MGAT4D: variants seen among roughly 807,000 people sequenced by gnomAD.
The protein encoded by MGAT4D is MGAT4 family member D, also known as alpha-1,3-mannosyl-glycoprotein 4-beta-N-acetylglucosaminyltransferase-like protein MGAT4D.
In MGAT4D, 34 loss-of-function variants were observed where a neutral mutation model predicts 15.9. The observed-to-expected ratio is 2.14, with a 90% CI of 1.62 to 2.84. The LOEUF is 2.84. Among genes scored for constraint, MGAT4D ranks in the 30% most tolerant of loss-of-function variants. MGAT4D has a pLI of 0.00. For missense variants in MGAT4D, 327 were observed against 140.2 expected (o/e 2.33, Z -6.73); for synonymous variants, 112 against 48.2 (o/e 2.33, Z -5.49).
intron 10 of MGAT4D, among the ~76,000 whole-genome samples, chr4:140,449,209 T>C (rs1730314610): frequency 6.6e-6 from 1 of 152,200 alleles, no homozygotes; most frequent in Non-Finnish European, 1.5e-5. Flanking sequence ...TGTTAACAAA[T>C]GTGGAAATAT....
intron 10 of MGAT4D, chr4:140,450,198 G>A (rs991706307): frequency 7.5e-6 from 2 of 265,792 alleles, no homozygotes; most frequent in Non-Finnish European, 1.4e-5. Context: ...TCTATTTTGT[G>A]TGGTGTGAGG....
At chr4:140,485,808 C>G (rs1489185843) in intron 1 of MGAT4D, among the ~76,000 whole-genome samples, 1 of 12,728 alleles carries the variant, frequency 7.9e-5, no homozygotes, top group Non-Finnish European at 1.8e-4. Context: ...AAGACCCTGT[C>G]TTAAAAAAAA....
At chr4:140,448,423 T>C (rs184815443) in intron 10 of MGAT4D, among the ~76,000 whole-genome samples, 228 of 152,292 alleles carry the variant, frequency 1.5e-3, no homozygotes, top group Non-Finnish European at 2.6e-3. Context: ...TTGTTTATTT[T>C]TGACTATCTT....
chr4:140,448,946 A>G (rs528936354), intron 10 of MGAT4D, among the ~76,000 whole-genome samples: 1 of 152,362 alleles, frequency 6.6e-6, no homozygotes, highest in South Asian at 2.1e-4. Context: ...AAAACAAATG[A>G]GACATACATG....
At chr4:140,467,021 TA>T (rs1474676922) in intron 5 of MGAT4D, among the ~76,000 whole-genome samples, 1 of 152,088 alleles carries the variant, frequency 6.6e-6, no homozygotes, top group Non-Finnish European at 1.5e-5. Context: ...AATAGTAACT[TA>T]AAAACTTGGG....
chr4:140,443,475 G>T (rs2126648837), intron 10 of MGAT4D, 31 bp from the exon 11 acceptor site: 1 of 513,326 alleles, frequency 1.9e-6, no homozygotes, highest in South Asian at 2.4e-5. Flanking sequence ...GTAACATCTA[G>T]AAATAATATA....
chr4:140,465,880 G>T (rs1201046703), intron 5 of MGAT4D, among the ~76,000 whole-genome samples: 1 of 152,180 alleles, frequency 6.6e-6, no homozygotes, highest in African/African-American at 2.4e-5. Flanking sequence ...CAACACTGTA[G>T]TCATGATATA....
At chr4:140,477,152 G>A (rs531807170) in intron 3 of MGAT4D, among the ~76,000 whole-genome samples, 1 of 151,912 alleles carries the variant, frequency 6.6e-6, no homozygotes, top group East Asian at 1.9e-4. Context: ...TCCTCTATCT[G>A]GATGACCACC....
chr4:140,497,932 T>C (rs1733944611), intron 1 of MGAT4D, among the ~76,000 whole-genome samples, 197 bp downstream of exon 1: 1 of 151,816 alleles, frequency 6.6e-6, no homozygotes. Flanking sequence ...GGGGCGCGGG[T>C]TACAGCCCAG....
Position 140,442,444 on chromosome 4 carries a change from A to G in MGAT4D, c.*992T>C, listed in dbSNP as rs1050180306. The G allele has an allele frequency of 1.3e-5, 2 of 152,164 alleles. No homozygotes were observed. Among genetic ancestry groups the G allele is most frequent in the African/African-American group, 4.8e-5 (2 of 41,458 alleles). The allele number at this position is 152,164 out of a possible 1,614,324, so 9.4% of individuals were successfully genotyped here. On this transcript the variant is annotated 3_prime_UTR_variant, in exon 11 of 11. Transcript: ENST00000511113. ...CTCAAAATAAGTAATACCTTACAGA[A>G]TAACATCAAGAAGAAAAATAGATTT...
At chr4:140,445,366 T>G (rs1189384458) in intron 10 of MGAT4D, among the ~76,000 whole-genome samples, 2 of 152,206 alleles carry the variant, frequency 1.3e-5, no homozygotes, top group African/African-American at 4.8e-5. Context: ...TACCCACTTT[T>G]TAATGGGGTT....
intron 10 of MGAT4D, among the ~76,000 whole-genome samples, chr4:140,446,406 T>C (rs1404083149): frequency 6.6e-6 from 1 of 152,218 alleles, no homozygotes; most frequent in African/African-American, 2.4e-5. Flanking sequence ...AGAGAGTGTA[T>C]GTATCCAGGA....
In MGAT4D at chr4:140,498,260, CG is replaced by C; in HGVS notation, c.-39del. 1 of 701,232 alleles carries C rather than the reference CG, an allele frequency of 1.4e-6. No homozygotes were observed. The highest frequency in any genetic ancestry group is 2.6e-6 in the Non-Finnish European group (1 of 383,980). The allele number at this position is 701,232 out of a possible 1,614,324, so 43.4% of individuals were successfully genotyped here. Reference sequence around the variant, plus strand: ...GCTGCGGGAGGCCGGCGGGTGGAGGCGGCGGATAATGCCAGGGACGGGGTTG... The same window carrying C: ...GCTGCGGGAGGCCGGCGGGTGGAGGCGCGGATAATGCCAGGGACGGGGTTG... On this transcript the variant is annotated 5_prime_UTR_variant, in exon 1 of 11. Coordinates refer to ENST00000511113, the MANE Select transcript of MGAT4D (RefSeq NM_001277353.2).
intron 10 of MGAT4D, among the ~76,000 whole-genome samples, chr4:140,448,074 A>G (rs962706540): frequency 2.6e-5 from 4 of 152,182 alleles, no homozygotes; most frequent in African/African-American, 7.2e-5. Context: ...TGAGAGGTCT[A>G]CTGTTAGCCT....
chr4:140,445,046 T>C (rs1299843133), intron 10 of MGAT4D, among the ~76,000 whole-genome samples: 1 of 100,264 alleles, frequency 1.0e-5, no homozygotes, highest in Non-Finnish European at 2.6e-5. Flanking sequence ...CACGCCCAGC[T>C]AATGTTTGTA....
chr4:140,481,958 T>C (rs1467101027), intron 2 of MGAT4D, among the ~76,000 whole-genome samples: 1 of 152,208 alleles, frequency 6.6e-6, no homozygotes, highest in Non-Finnish European at 1.5e-5. Context: ...GAAATGATGA[T>C]GGAAAATGTG....
chr4:140,488,436 C>T (rs534839744), intron 1 of MGAT4D, among the ~76,000 whole-genome samples: 2 of 152,278 alleles, frequency 1.3e-5, no homozygotes, highest in East Asian at 3.9e-4. Context: ...GGGAATGGTG[C>T]ATATATTTAA....
chr4:140,478,290 C>T (rs1732473422), intron 3 of MGAT4D, among the ~76,000 whole-genome samples: 1 of 152,206 alleles, frequency 6.6e-6, no homozygotes, highest in Admixed American at 6.5e-5. Context: ...GTCTCTCTCT[C>T]CTTCCTTTCA....
intron 9 of MGAT4D, among the ~76,000 whole-genome samples, chr4:140,454,718 TGGACATG>T (rs1274144894): frequency 2.0e-5 from 3 of 152,166 alleles, no homozygotes; most frequent in Non-Finnish European, 4.4e-5. Context: ...TTAAACCCTT[TGGACATG>T]GAAATTTCCT....
Sources: allele counts gnomAD v4.1 joint callset (sites outside exome capture counted in the v4.1 genomes callset), GRCh38; gene constraint gnomAD v4.1.1; transcripts MANE v1.5; gene names NCBI Gene and HGNC (gene_info 2026-07-23, HGNC 2026-07-21).